Variants in PKN2 observed in about 807,000 individuals in gnomAD.
PKN2 encodes the protein serine/threonine-protein kinase N2.
Under a neutral mutation model 119.1 loss-of-function variants are expected in PKN2, and 38 were observed. The ratio of observed to expected loss-of-function variants is 0.32; its 90% CI spans 0.25 to 0.42. The LOEUF (loss-of-function observed/expected upper bound fraction) is 0.42. Among genes scored for constraint, PKN2 ranks in the 10% least tolerant of loss-of-function variants. PKN2 has a pLI of 1.00. For missense variants in PKN2, 850 were observed against 1,165.1 expected, an observed-to-expected ratio of 0.73 and a Z score of 3.94; for synonymous variants, 390 against 384.9, an observed-to-expected ratio of 1.01 and a Z score of -0.15.
intron 8 of PKN2, among the ~76,000 whole-genome samples, chr1:88,791,993 ACTGT>A (rs1318742114): frequency 7.9e-5 from 12 of 152,316 alleles, no homozygotes; most frequent in African/African-American, 2.4e-4. Context: ...CATGTTATAA[ACTGT>A]CTGACACTGG....
chr1:88,775,050 G>GAGAT (rs975154193), intron 6 of PKN2, among the ~76,000 whole-genome samples: 4 of 151,954 alleles, frequency 2.6e-5, no homozygotes, highest in African/African-American at 9.7e-5. Context: ...TCCCTTTTAT[G>GAGAT]AGATAGATAG....
At chr1:88,817,581 G>T (rs1570676748) in intron 16 of PKN2, among the ~76,000 whole-genome samples, 1 of 151,654 alleles carries the variant, frequency 6.6e-6, no homozygotes, top group Non-Finnish European at 1.5e-5. Context: ...GGCGGTGTAG[G>T]CCTGTAGTCT....
chr1:88,799,493 A>G (rs1485983288), intron 8 of PKN2, among the ~76,000 whole-genome samples: 1 of 152,094 alleles, frequency 6.6e-6, no homozygotes, highest in African/African-American at 2.4e-5. Context: ...TTTTGGGCTG[A>G]TGACTACAAA....
rs372785607 is a variant in PKN2 at position 88,741,273 on chromosome 1, C to G, written c.334C>G (p.Pro112Ala). 2.4e-5 allele frequency: 37 copies of G among 1,573,692 alleles called. No individual in the cohort carries two copies. Among genetic ancestry groups the G allele is most frequent in the Non-Finnish European group, 2.1e-5 (24 of 1,164,126 alleles). The change falls in exon 2 of 22, where the codon CCA becomes GCA. Residue 112 changes from proline (P) to alanine (A), a missense_variant. Physicochemically the swap from Pro to Ala is conservative, Grantham distance 27 (BLOSUM62 -1). This residue lies in a region of PKN2 where 350 missense variants were observed against 511.1 expected (regional missense o/e 0.68). Transcript: ENST00000370521. ...AAATGCACATATTGTTGTATCAGATCCAGAAGATATTACAGGTATAGTAGT... is the reference window on the plus strand; with the variant it reads ...AAATGCACATATTGTTGTATCAGATGCAGAAGATATTACAGGTATAGTAGT... ...ELNAHIVVSDPEDITDCPRTP... is the reference protein window; with the variant it reads ...ELNAHIVVSDAEDITDCPRTP...
At chr1:88,707,976 T>G (rs1182174494) in intron 1 of PKN2, among the ~76,000 whole-genome samples, 1 of 152,196 alleles carries the variant, frequency 6.6e-6, no homozygotes, top group Non-Finnish European at 1.5e-5. Flanking sequence ...TTATTTGTTT[T>G]GTGTATTTGA....
intron 2 of PKN2, among the ~76,000 whole-genome samples, chr1:88,744,545 C>T (rs1011236222): frequency 9.2e-5 from 14 of 152,148 alleles, no homozygotes; most frequent in African/African-American, 3.4e-4. Flanking sequence ...CTCAGCCTCC[C>T]GAGTAGCTGG....
chr1:88,762,481 G>A (rs763285066), intron 3 of PKN2, among the ~76,000 whole-genome samples: 2 of 151,990 alleles, frequency 1.3e-5, no homozygotes, highest in African/African-American at 4.8e-5. Context: ...AGAGTACATC[G>A]TTTTAGATTA....
chr1:88,803,073 G>C (rs2100869617), intron 8 of PKN2, among the ~76,000 whole-genome samples: 1 of 152,176 alleles, frequency 6.6e-6, no homozygotes, highest in South Asian at 2.1e-4. Context: ...CCATTTGCTA[G>C]TCTTAATTAT....
chr1:88,806,170 T>C (rs1183522889), intron 12 of PKN2, 153 bp downstream of exon 12: 6 of 719,328 alleles, frequency 8.3e-6, no homozygotes, highest in Middle Eastern at 4.0e-4. Flanking sequence ...TTTTTGTTTT[T>C]TGAGACAGAG....
chr1:88,801,456 A>C (rs1043102716), intron 8 of PKN2, among the ~76,000 whole-genome samples: 1 of 152,184 alleles, frequency 6.6e-6, no homozygotes, highest in Non-Finnish European at 1.5e-5. Flanking sequence ...GCTTCAGTCT[A>C]TCTGTATGGT....
chr1:88,736,297 T>C (rs1386251800), intron 1 of PKN2, among the ~76,000 whole-genome samples: 2 of 152,204 alleles, frequency 1.3e-5, no homozygotes, highest in African/African-American at 2.4e-5. Flanking sequence ...TCCATCACTT[T>C]AGGGTTGTTT....
chr1:88,708,513 A>G lies in PKN2; in HGVS notation c.48+23885A>G, dbSNP rs77663953. On this transcript the variant is annotated intron_variant, in intron 1 of 21. Transcript: ENST00000370521. ...TTACTAATCCTAAATTGTGATTAAA[A>G]TGTAGTTTAGTTTTATTATATTCAA... is the stretch of plus-strand genomic sequence containing the variant. Among the ~76,000 whole-genome samples the G allele has an allele frequency of 5.0e-3, 767 of 152,250 alleles. 3 individuals are homozygous for G. Among genetic ancestry groups the G allele is most frequent in the African/African-American group, 0.017 (722 of 41,548 alleles).
At chr1:88,815,298 C>T (rs1328126754) in intron 16 of PKN2, 3 of 181,668 alleles carry the variant, frequency 1.7e-5, no homozygotes, top group African/African-American at 7.2e-5. Flanking sequence ...CATTACAGAA[C>T]TCCAAATCTG....
At chr1:88,813,108 A>G (rs188072984) in intron 15 of PKN2, among the ~76,000 whole-genome samples, 2 of 152,264 alleles carry the variant, frequency 1.3e-5, no homozygotes, top group African/African-American at 4.8e-5. Context: ...GTTCAACTTC[A>G]TATCAATTTT....
At chr1:88,773,241 T>C (rs1489053696) in intron 6 of PKN2, among the ~76,000 whole-genome samples, 3 of 150,094 alleles carry the variant, frequency 2.0e-5, no homozygotes, top group South Asian at 2.1e-4. Context: ...TTTTTTTAAT[T>C]CATTTTTATT....
chr1:88,780,068 A>G (rs976130143), intron 6 of PKN2, among the ~76,000 whole-genome samples: 13 of 149,490 alleles, frequency 8.7e-5, no homozygotes, highest in Admixed American at 4.0e-4. Flanking sequence ...GTTTTCCTCA[A>G]TTGCTGTGAT....
intron 1 of PKN2, among the ~76,000 whole-genome samples, chr1:88,692,416 A>G (rs1268714616): frequency 6.6e-6 from 1 of 152,190 alleles, no homozygotes; most frequent in African/African-American, 2.4e-5. Context: ...GGGTAGGTGA[A>G]TGTTCAACTT....
chr1:88,826,915 A>G (rs949511150), intron 18 of PKN2, among the ~76,000 whole-genome samples: 4 of 152,110 alleles, frequency 2.6e-5, no homozygotes, highest in Non-Finnish European at 5.9e-5. Flanking sequence ...GTTTTTTTAA[A>G]TAATATTTTA....
rs573669715 is a variant in PKN2 at position 88,710,127 on chromosome 1, C to T, written c.48+25499C>T. On this transcript the variant is annotated intron_variant, in intron 1 of 21. Coordinates refer to ENST00000370521, the MANE Select transcript of PKN2 (RefSeq NM_006256.4). ...AGACAGTTAGAAATGTAAAACCGGTCCTGGGATTCAAGGTGGAGATGCACT... is the reference window on the plus strand; with the variant it reads ...AGACAGTTAGAAATGTAAAACCGGTTCTGGGATTCAAGGTGGAGATGCACT... Among the ~76,000 whole-genome samples, 4 of 152,148 alleles carry T rather than the reference C, an allele frequency of 2.6e-5. No homozygotes were observed. In the South Asian group the frequency reaches 8.3e-4, roughly 32 times the overall value.
Sources: gnomAD v4.1 joint callset for allele counts (sites outside exome capture counted in the v4.1 genomes callset) on GRCh38, gnomAD v4.1.1 for gene constraint, gnomAD v4.1.1 regional missense constraint, MANE v1.5 for transcripts, NCBI Gene and HGNC (gene_info 2026-07-23, HGNC 2026-07-21) for gene names.